Variants in ANO7 observed in about 807,000 individuals in gnomAD.
ANO7 encodes the protein anoctamin-7.
Under a neutral mutation model 115.8 loss-of-function variants are expected in ANO7, and 114 were observed. The observed-to-expected ratio is 0.98, with a 90% CI of 0.85 to 1.15. ANO7 has a LOEUF of 1.15. Ranked by LOEUF, ANO7 falls within the 50% of genes most tolerant of loss-of-function variation. The probability of loss-of-function intolerance (pLI) is 0.00; values close to 1 mark genes in which losing one functional copy is unlikely to be tolerated. For missense variants in ANO7, 1,302 were observed against 1,201.2 expected (o/e 1.08, Z -1.24); for synonymous variants, 550 against 498.2 (o/e 1.10, Z -1.38).
the ANO7 span, chr2:241,239,935 G>A: frequency 6.2e-7 from 1 of 1,614,162 alleles, no homozygotes; most frequent in Non-Finnish European, 8.5e-7. This position sits in a 1 kb window ranked among gnomAD's most constrained non-coding sequence, Gnocchi z 4.6. Context: ...CTCCTTCTGT[G>A]CCTCTCGGAC....
chr2:241,199,523 C>T (rs2149145497), intron 5 of ANO7, 100 bp downstream of exon 5: 1 of 1,188,932 alleles, frequency 8.4e-7, no homozygotes, highest in African/African-American at 1.5e-5. Context: ...GCTCCCTGCT[C>T]AGAGGCCTCA....
Position 241,209,544 on chromosome 2 carries a change from C to T in ANO7, c.1268C>T (p.Pro423Leu), listed in dbSNP as rs560238171. ...QFAASAPMTA[P>L]NPITGEDEPY... ...GCCGCCTCAGCCCCCATGACAGCCCCGAACCCCATCACGGGTGAGGACGAG... is the reference window on the plus strand; with the variant it reads ...GCCGCCTCAGCCCCCATGACAGCCCTGAACCCCATCACGGGTGAGGACGAG... The change falls in exon 13 of 25, where the codon CCG becomes CTG. Residue 423 changes from proline (P) to leucine (L), a missense_variant. Coordinates refer to ENST00000674324, the MANE Select transcript of ANO7 (RefSeq NM_001370694.2). 2.8e-5 allele frequency: 45 copies of T among 1,598,446 alleles called. No homozygotes were observed. The highest frequency in any genetic ancestry group is 1.2e-4 in the Admixed American group (7 of 59,020).
chr2:241,190,907 C>T (rs1402612040), intron 2 of ANO7, among the ~76,000 whole-genome samples: 1 of 152,244 alleles, frequency 6.6e-6, no homozygotes, highest in Non-Finnish European at 1.5e-5. Context: ...TTGCCATGGG[C>T]CTGGCCCAAG....
In ANO7 at chr2:241,203,802, G is replaced by C. The variant is rs2068528550; in HGVS notation, c.889+304G>C. Among the ~76,000 whole-genome samples the C allele has an allele frequency of 6.6e-6, 1 of 152,032 alleles. No individual in the cohort carries two copies. Among genetic ancestry groups the C allele is most frequent in the Non-Finnish European group, 1.5e-5 (1 of 67,996 alleles). Reference sequence around the variant, plus strand: ...ATGTCACTGGCCCATGAGGCCCTGGGGCAACCCCAGGAACTTCCATCCTAG... The same window carrying C: ...ATGTCACTGGCCCATGAGGCCCTGGCGCAACCCCAGGAACTTCCATCCTAG... On this transcript the variant is annotated intron_variant, in intron 9 of 24. Coordinates refer to ENST00000674324, the MANE Select transcript of ANO7 (RefSeq NM_001370694.2). The surrounding 1 kb of genome is among the most constrained non-coding windows in gnomAD (Gnocchi z 4.8).
Position 241,200,212 on chromosome 2 carries a change from A to G in ANO7, c.541A>G (p.Asn181Asp). ...PEYYSCRFRV[N>D]KLPRFLGSDN... Reference sequence around the variant, plus strand: ...GTACTACTCCTGCCGGTTCAGAGTGAACAAGCTGCCACGGTAAGGCAGGGG... The same window carrying G: ...GTACTACTCCTGCCGGTTCAGAGTGGACAAGCTGCCACGGTAAGGCAGGGG... The change falls in exon 6 of 25, where the codon AAC becomes GAC. Residue 181 changes from asparagine (N) to aspartate (D), a missense_variant. Transcript: ENST00000674324. 1 of 1,612,854 alleles carries G rather than the reference A, an allele frequency of 6.2e-7. No homozygotes were observed. The highest frequency in any genetic ancestry group is 8.5e-7 in the Non-Finnish European group (1 of 1,179,790).
intron 15 of ANO7, 74 bp from the exon 16 acceptor site, chr2:241,212,020 T>A (rs1559451441): frequency 1.8e-6 from 2 of 1,086,018 alleles, no homozygotes; most frequent in African/African-American, 3.1e-5. Context: ...GGCAAGGTGG[T>A]CCTAGGAGAG....
chr2:241,229,514 G>T, downstream of ANO7: 1 of 965,090 alleles, frequency 1.0e-6, no homozygotes, highest in Non-Finnish European at 1.6e-6. Flanking sequence ...TTTACGGAGG[G>T]TCCAGCCGCT....
intron 4 of ANO7, among the ~76,000 whole-genome samples, chr2:241,198,230 A>C (rs2068388985): frequency 6.6e-6 from 1 of 151,142 alleles, no homozygotes; most frequent in African/African-American, 2.4e-5. Flanking sequence ...TTGCCACATC[A>C]CCCCACCCCA....
At chr2:241,198,122 C>T (rs954453003) in intron 4 of ANO7, among the ~76,000 whole-genome samples, 1 of 152,168 alleles carries the variant, frequency 6.6e-6, no homozygotes, top group African/African-American at 2.4e-5. Context: ...GTCCTGCGTC[C>T]GACTCCCCTC....
At chr2:241,194,209 G>A (rs13014184) in intron 3 of ANO7, among the ~76,000 whole-genome samples, 29,238 of 140,110 alleles carry the variant, frequency 0.21, 3,398 homozygotes, top group Non-Finnish European at 0.27. Context: ...TGCTGCTTTC[G>A]TGAGATCTTG....
chr2:241,234,643 T>C, the ANO7 span, among the ~76,000 whole-genome samples: 7 of 152,338 alleles, frequency 4.6e-5, no homozygotes, highest in East Asian at 9.6e-4. Flanking sequence ...TGCCAGAGGC[T>C]GGGCGTCTGC....
chr2:241,226,890 A>C (rs2069195951), downstream of ANO7, among the ~76,000 whole-genome samples: 1 of 151,688 alleles, frequency 6.6e-6, no homozygotes, highest in Admixed American at 6.6e-5. Context: ...CTCCTCCTCC[A>C]GCCGAGGCCT....
At chr2:241,216,644 C>G (rs1341540244) in intron 19 of ANO7, among the ~76,000 whole-genome samples, 1 of 152,226 alleles carries the variant, frequency 6.6e-6, no homozygotes, top group East Asian at 1.9e-4. Flanking sequence ...CCAGAAATCT[C>G]AATGCCCACG....
At chr2:241,202,544 C>T (rs1047600161) in intron 8 of ANO7, among the ~76,000 whole-genome samples, 3 of 152,246 alleles carry the variant, frequency 2.0e-5, no homozygotes, top group Non-Finnish European at 4.4e-5. Context: ...AACACGGGAA[C>T]AGGCCGGTCC....
At chr2:241,216,033 A>G in intron 18 of ANO7, 60 bp from the exon 19 acceptor site, 1 of 1,546,772 alleles carries the variant, frequency 6.5e-7, no homozygotes, top group East Asian at 2.3e-5. Context: ...CCCAAGGACT[A>G]TAGCAGCCAC....
At chr2:241,208,725 G>A (rs1466464585) in intron 11 of ANO7, among the ~76,000 whole-genome samples, 3 of 152,032 alleles carry the variant, frequency 2.0e-5, no homozygotes, top group Admixed American at 6.6e-5. Context: ...TTAACTCTAG[G>A]TCCAAAACCT....
At chr2:241,198,244 T>C (rs1351415693) in intron 4 of ANO7, among the ~76,000 whole-genome samples, 1 of 152,034 alleles carries the variant, frequency 6.6e-6, no homozygotes, top group Non-Finnish European at 1.5e-5. Context: ...CACCCCAGGG[T>C]GCCCCTCCCT....
chr2:241,210,899 G>A (rs2068707297), intron 15 of ANO7, among the ~76,000 whole-genome samples: 1 of 151,912 alleles, frequency 6.6e-6, no homozygotes, highest in African/African-American at 2.4e-5. Flanking sequence ...CGAGCTCCTG[G>A]CCTCAAGGGA....
At position 241,217,840 on chromosome 2, in the gene ANO7, C is replaced by T. The variant is rs767913881; in HGVS notation, c.2127C>T (p.Gly709=). 4.4e-6 allele frequency: 7 copies of T among 1,607,422 alleles called. No individual in the cohort carries two copies. Among genetic ancestry groups the T allele is most frequent in the Non-Finnish European group, 4.2e-6 (5 of 1,178,322 alleles). The change falls in exon 20 of 25, where the codon GGC becomes GGT. Residue 709 remains glycine, a synonymous_variant. Transcript: ENST00000674324. ...RPVAERAQDI[G]IWFHILAGLT... ...TGGCCGAGCGCGCCCAGGACATCGG[C>T]ATCTGGTTCCACATCCTGGCGGGCC...
Sources: allele counts gnomAD v4.1 joint callset (sites outside exome capture counted in the v4.1 genomes callset), GRCh38; gene constraint gnomAD v4.1.1; non-coding constraint Gnocchi (gnomAD v3.1); transcripts MANE v1.5; gene names NCBI Gene and HGNC (gene_info 2026-07-23, HGNC 2026-07-21).